Variants in PCDH11Y observed in about 807,000 individuals in gnomAD.
PCDH11Y encodes protocadherin-11 Y-linked.
For synonymous variants in PCDH11Y, 9 were observed against 83.6 expected (o/e 0.11, Z 4.87); for missense variants, 12 against 224.8 (o/e 0.05, Z 6.05).
At chrY:5,069,167 G>T in intron 1 of PCDH11Y, among the ~76,000 whole-genome samples, 9 of 33,028 alleles carry the variant, frequency 2.7e-4, no homozygotes, top group Admixed American at 8.4e-4. Flanking sequence ...CTTGTACATA[G>T]GGTGAATTTT....
chrY:5,732,585 G>T (rs2053605816), intron 4 of PCDH11Y, among the ~76,000 whole-genome samples: 1 of 31,987 alleles, frequency 3.1e-5, no homozygotes, highest in Non-Finnish European at 7.6e-5. Flanking sequence ...GTGTGTGTGT[G>T]TGTGTGTTAA....
chrY:5,663,530 T>C, intron 4 of PCDH11Y, among the ~76,000 whole-genome samples: 1 of 33,391 alleles, frequency 3.0e-5, no homozygotes, highest in Non-Finnish European at 7.4e-5. Context: ...AATATAATTA[T>C]ATTTTCCTGC....
chrY:5,433,256 T>C, intron 2 of PCDH11Y, among the ~76,000 whole-genome samples: 2 of 33,744 alleles, frequency 5.9e-5, no homozygotes, highest in Admixed American at 2.7e-4. Flanking sequence ...TCAAAATGTT[T>C]TGTGAAAATA....
chrY:5,149,609 CAT>C (rs2052862324), intron 2 of PCDH11Y, among the ~76,000 whole-genome samples: 1 of 21,804 alleles, frequency 4.6e-5, no homozygotes, highest in Admixed American at 4.2e-4. Context: ...CACACACACA[CAT>C]ATATATATAG....
At chrY:5,410,827 C>T (rs201276700) in intron 2 of PCDH11Y, among the ~76,000 whole-genome samples, 1 of 32,947 alleles carries the variant, frequency 3.0e-5, no homozygotes, top group East Asian at 8.1e-4. Flanking sequence ...AGGACGATGG[C>T]GTCCAGCTCC....
At chrY:5,562,514 C>A in intron 3 of PCDH11Y, among the ~76,000 whole-genome samples, 1 of 32,767 alleles carries the variant, frequency 3.1e-5, no homozygotes, top group Non-Finnish European at 7.5e-5. Context: ...GTAATCCCAG[C>A]ACTTTGGGAG....
intron 2 of PCDH11Y, among the ~76,000 whole-genome samples, chrY:5,116,824 G>GT (rs2052811297): frequency 6.3e-5 from 2 of 31,912 alleles, no homozygotes; most frequent in Admixed American, 2.9e-4. Flanking sequence ...TTCATGGTCC[G>GT]TTTTTTTTGT....
chrY:5,317,439 C>T (rs2053108390), intron 2 of PCDH11Y, among the ~76,000 whole-genome samples: 2 of 32,928 alleles, frequency 6.1e-5, no homozygotes, highest in African/African-American at 2.4e-4. Flanking sequence ...GTTGTAATCC[C>T]CAGTGTTGGA....
intron 2 of PCDH11Y, among the ~76,000 whole-genome samples, chrY:5,222,436 G>A: frequency 3.2e-5 from 1 of 31,173 alleles, no homozygotes; most frequent in South Asian, 7.4e-4. Context: ...TTAGATTTTT[G>A]ATTACTGATT....
At chrY:5,228,327 TC>T (rs2052963284) in intron 2 of PCDH11Y, among the ~76,000 whole-genome samples, 3 of 29,191 alleles carry the variant, frequency 1.0e-4, no homozygotes, top group African/African-American at 4.0e-4. Context: ...TCTCTTTTTT[TC>T]TTAGTCTGAA....
chrY:5,305,236 C>T, intron 2 of PCDH11Y, among the ~76,000 whole-genome samples: 6 of 33,129 alleles, frequency 1.8e-4, no homozygotes, highest in Non-Finnish European at 4.5e-4. Context: ...GAGAATTATA[C>T]CCATGTAAGA....
intron 4 of PCDH11Y, among the ~76,000 whole-genome samples, chrY:5,654,193 A>G (rs2053534421): frequency 3.0e-5 from 1 of 33,011 alleles, no homozygotes; most frequent in African/African-American, 1.2e-4. Flanking sequence ...ACCATCTCAC[A>G]CCAGTCATAA....
intron 2 of PCDH11Y, among the ~76,000 whole-genome samples, chrY:5,355,796 T>C (rs2053165289): frequency 1.2e-3 from 39 of 33,616 alleles, no homozygotes; most frequent in Non-Finnish European, 2.8e-3. Flanking sequence ...AAAAAATGAA[T>C]AGTTTTATTC....
At chrY:5,390,015 CATAA>C (rs2124675817) in intron 2 of PCDH11Y, among the ~76,000 whole-genome samples, 1 of 33,274 alleles carries the variant, frequency 3.0e-5, no homozygotes, top group South Asian at 6.8e-4. Context: ...TTTAAGGTAT[CATAA>C]ATAGAGTTTA....
At chrY:5,474,690 T>C in intron 2 of PCDH11Y, among the ~76,000 whole-genome samples, 1 of 33,026 alleles carries the variant, frequency 3.0e-5, no homozygotes, top group Non-Finnish European at 7.6e-5. Context: ...GATGGATTTT[T>C]CCATTTCTCT....
At chrY:5,020,159 T>C in intron 1 of PCDH11Y, among the ~76,000 whole-genome samples, 1 of 30,733 alleles carries the variant, frequency 3.3e-5, no homozygotes, top group Non-Finnish European at 7.7e-5. Context: ...ACATGCATAA[T>C]TGAAATTAAA....
Position 5,377,319 on chromosome Y carries a change from T to A in PCDH11Y, c.3130-123738T>A, listed in dbSNP as rs1602915015. Among the ~76,000 whole-genome samples, 5 of 28,341 alleles carry A rather than the reference T, an allele frequency of 1.8e-4. No individual in the cohort carries two copies. The East Asian group carries it at 4.6e-3, about 26-fold the overall frequency. The allele number at this position is 28,341 out of a possible 37,273, so 76.0% of individuals were successfully genotyped here. On this transcript the variant is annotated intron_variant, in intron 2 of 4. Transcript: ENST00000400457. Reference sequence around the variant, plus strand: ...GTCAGATAGTCCAGTCAATATAATTTTATGTACTTTTCAATTATAATGCAA... The same window carrying A: ...GTCAGATAGTCCAGTCAATATAATTATATGTACTTTTCAATTATAATGCAA...
intron 3 of PCDH11Y, among the ~76,000 whole-genome samples, chrY:5,522,059 A>G (rs2053381787): frequency 3.8e-4 from 12 of 31,395 alleles, no homozygotes; most frequent in Middle Eastern, 0.014. Context: ...ATTTTTAGTA[A>G]AGACAGGGTT....
intron 1 of PCDH11Y, among the ~76,000 whole-genome samples, chrY:5,061,722 GA>G (rs2052675663): frequency 6.0e-5 from 2 of 33,186 alleles, no homozygotes; most frequent in Non-Finnish European, 1.5e-4. Context: ...AGGCAGGCAT[GA>G]CAGTGTTTCA....
Sources: gnomAD v4.1 joint callset for allele counts (sites outside exome capture counted in the v4.1 genomes callset) on GRCh38, gnomAD v4.1.1 for gene constraint, MANE v1.5 for transcripts, NCBI Gene and HGNC (gene_info 2026-07-23, HGNC 2026-07-21) for gene names.